The following MCPH1 variants were observed in gnomAD, a reference collection of about 807,000 sequenced individuals.
The protein encoded by MCPH1 is microcephalin.
In MCPH1, 104 loss-of-function variants were observed where a neutral mutation model predicts 84.5. The ratio of observed to expected loss-of-function variants is 1.23; its 90% CI spans 1.05 to 1.45. MCPH1 has a LOEUF of 1.45. Ranked by LOEUF, MCPH1 falls within the 40% of genes most tolerant of loss-of-function variation. MCPH1 has a pLI of 0.00. For missense variants in MCPH1, 1,498 were observed against 1,005.7 expected (o/e 1.49, Z -6.62); for synonymous variants, 514 against 366.8 (o/e 1.40, Z -4.58).
chr8:6,635,860 C>T (rs1341403199), intron 13 of MCPH1, among the ~76,000 whole-genome samples: 1 of 152,174 alleles, frequency 6.6e-6, no homozygotes, highest in Admixed American at 6.5e-5. Flanking sequence ...GAGCAGAGGC[C>T]TGCTGTTGTT....
intron 12 of MCPH1, among the ~76,000 whole-genome samples, chr8:6,552,761 G>A (rs1278571899): frequency 2.0e-5 from 3 of 151,542 alleles, no homozygotes; most frequent in Non-Finnish European, 2.9e-5. Context: ...TGATTGTTTC[G>A]GCCAGTTAAT....
intron 9 of MCPH1, among the ~76,000 whole-genome samples, chr8:6,463,052 A>T (rs61653490): frequency 0.012 from 1,774 of 152,320 alleles, 35 homozygotes; most frequent in African/African-American, 0.041. Flanking sequence ...GACCACAGGC[A>T]TGCCAGAGCC....
In MCPH1 at chr8:6,444,506, G is replaced by C. The variant is rs371986213; in HGVS notation, c.784G>C (p.Val262Leu). The C allele has an allele frequency of 3.7e-5, 60 of 1,614,048 alleles. No individual in the cohort carries two copies. The highest frequency in any genetic ancestry group is 4.6e-5 in the Non-Finnish European group (54 of 1,180,028). ...ATCCATTAATGACATTAAAAGTGAT[G>C]TGTGTATTTCTTCACTTGTATTGAA... ...EGSINDIKSD[V>L]CISSLVLKAN... Residue 262 changes from valine (V) to leucine (L), a missense_variant, in exon 8 of 14, where the codon GTG becomes CTG. By Grantham distance (32) the Val-to-Leu change is conservative. Coordinates refer to ENST00000344683, the MANE Select transcript of MCPH1 (RefSeq NM_024596.5).
At chr8:6,576,682 ATTTTTTTTTTTTTTTTTTTTTTT>A (rs58486084) in intron 12 of MCPH1, among the ~76,000 whole-genome samples, 5,267 of 42,216 alleles carry the variant, frequency 0.12, 227 homozygotes, top group East Asian at 0.25. Context: ...TAATTTTTGT[ATTTTTTTTTTTTTTTTTTTTTTT>A]TTTTTTTTTT....
Position 6,471,677 on chromosome 8 carries a change from GAATCCGTCTGCTTCTC to G in MCPH1, c.1936-5913_1936-5898del, listed in dbSNP as rs540163536. Among the ~76,000 whole-genome samples the G allele has an allele frequency of 2.4e-3, 360 of 152,308 alleles. 4 individuals carry two copies. Among genetic ancestry groups the G allele is most frequent in the African/African-American group, 7.9e-3 (328 of 41,570 alleles). ...CTTGATCTTGGGTTAGCAGTCTCAT[GAATCCGTCTGCTTCTC>G]AATGAGGGTTATAGAAATCCTCTTC... On this transcript the variant is annotated intron_variant, in intron 9 of 13. Transcript: ENST00000344683.
chr8:6,580,752 A>G (rs1033614352), intron 12 of MCPH1, among the ~76,000 whole-genome samples: 1 of 152,228 alleles, frequency 6.6e-6, no homozygotes, highest in Non-Finnish European at 1.5e-5. Flanking sequence ...CCCAGGAGGC[A>G]GAAAGACTTC....
At chr8:6,513,601 G>C (rs1253291174) in intron 12 of MCPH1, 27 of 1,278,750 alleles carry the variant, frequency 2.1e-5, no homozygotes, top group Non-Finnish European at 2.9e-5. Flanking sequence ...CCAAAGTGCT[G>C]GGATTACAGG....
chr8:6,550,763 T>G (rs537090620), intron 12 of MCPH1, among the ~76,000 whole-genome samples: 3 of 152,328 alleles, frequency 2.0e-5, no homozygotes, highest in Non-Finnish European at 4.4e-5. Flanking sequence ...CTGATACCTC[T>G]CAGAGCTGGA....
chr8:6,610,431 A>G (rs1830162335), intron 12 of MCPH1, among the ~76,000 whole-genome samples: 1 of 152,122 alleles, frequency 6.6e-6, no homozygotes, highest in Non-Finnish European at 1.5e-5. Flanking sequence ...ACTTGTTCCA[A>G]CCATCCCAAA....
intron 13 of MCPH1, among the ~76,000 whole-genome samples, chr8:6,628,780 G>A (rs1796949306): frequency 1.3e-5 from 2 of 152,234 alleles, no homozygotes; most frequent in African/African-American, 4.8e-5. Flanking sequence ...CTGAGGATCA[G>A]AAAGGTTAAT....
intron 12 of MCPH1, among the ~76,000 whole-genome samples, chr8:6,586,145 G>C (rs1827962841): frequency 6.6e-6 from 1 of 151,974 alleles, no homozygotes; most frequent in Admixed American, 6.6e-5. Context: ...TTTTTTTGTA[G>C]AGACAGAGTC....
intron 12 of MCPH1, among the ~76,000 whole-genome samples, chr8:6,549,773 T>C (rs906192764): frequency 1.3e-5 from 2 of 152,226 alleles, no homozygotes; most frequent in Non-Finnish European, 2.9e-5. Flanking sequence ...GCAAGTCCTC[T>C]ATATCTTGAG....
chr8:6,463,961 A>C (rs1227225381), intron 9 of MCPH1, among the ~76,000 whole-genome samples: 2 of 152,246 alleles, frequency 1.3e-5, no homozygotes, highest in South Asian at 2.1e-4. Context: ...GCAGTGACTC[A>C]TCCAAAGGAC....
rs895399156 is a variant in MCPH1 at position 6,470,814 on chromosome 8, A to G, written c.1936-6780A>G. ...ATTATAAGCTTTAGTAGAAAATGTAAAGAGGGTTGTTAAACTGAAGGAGTG... is the reference window on the plus strand; with the variant it reads ...ATTATAAGCTTTAGTAGAAAATGTAGAGAGGGTTGTTAAACTGAAGGAGTG... On this transcript the variant is annotated intron_variant, in intron 9 of 13. Coordinates refer to ENST00000344683, the MANE Select transcript of MCPH1 (RefSeq NM_024596.5). Among the ~76,000 whole-genome samples the G allele has an allele frequency of 5.9e-5, 9 of 152,332 alleles. 1 individual carries two copies. The South Asian group carries it at 6.2e-4, about 11-fold the overall frequency.
chr8:6,513,590 C>T, intron 12 of MCPH1: 10 of 1,108,102 alleles, frequency 9.0e-6, no homozygotes, highest in Non-Finnish European at 1.1e-5. Flanking sequence ...ACCTCGGCCT[C>T]CCAAAGTGCT....
At chr8:6,573,488 T>C (rs1349650382) in intron 12 of MCPH1, among the ~76,000 whole-genome samples, 1 of 152,140 alleles carries the variant, frequency 6.6e-6, no homozygotes, top group Non-Finnish European at 1.5e-5. Context: ...AACTTGGCAA[T>C]AGTTTTTAAA....
At chr8:6,428,900 G>C (rs1030062910) in intron 3 of MCPH1, among the ~76,000 whole-genome samples, 7 of 103,014 alleles carry the variant, frequency 6.8e-5, no homozygotes, top group Non-Finnish European at 1.6e-4. Flanking sequence ...TAAGCTGTTC[G>C]GTGACCTCCA....
rs572943124 is a variant in MCPH1 at position 6,483,505 on chromosome 8, A to G, written c.2136+2629A>G. ...CAGAGAATCCAGAAATAGACCCCCA[A>G]AATACATCCCATGGGTTTTCACAAA... is the stretch of plus-strand genomic sequence containing the variant. On this transcript the variant is annotated intron_variant, in intron 11 of 13. Transcript: ENST00000344683. 4.6e-4 allele frequency among the ~76,000 whole-genome samples: 70 copies of G among 152,318 alleles called. No individual in the cohort carries two copies. In the South Asian group the frequency reaches 5.6e-3, roughly 12 times the overall value.
At chr8:6,520,066 C>T (rs1817024498) in intron 12 of MCPH1, 6 of 1,545,870 alleles carry the variant, frequency 3.9e-6, no homozygotes, top group South Asian at 2.4e-5. Flanking sequence ...AAGAGCCAAT[C>T]ATTTGGTGAG....
Sources: allele counts gnomAD v4.1 joint callset (sites outside exome capture counted in the v4.1 genomes callset), GRCh38; gene constraint gnomAD v4.1.1; transcripts MANE v1.5; gene names NCBI Gene and HGNC (gene_info 2026-07-23, HGNC 2026-07-21).